The following FRMD4A variants were observed in gnomAD, a reference collection of about 807,000 sequenced individuals.
FRMD4A encodes the protein FERM domain-containing protein 4A.
A neutral mutation model predicts 129.1 loss-of-function variants in FRMD4A; 29 were observed. The ratio of observed to expected loss-of-function variants is 0.22; its 90% CI spans 0.17 to 0.31. The LOEUF (loss-of-function observed/expected upper bound fraction) is 0.31. Among genes scored for constraint, FRMD4A ranks in the 10% least tolerant of loss-of-function variants. The pLI, the probability that FRMD4A is intolerant of heterozygous loss-of-function variation, is 1.00. For synonymous variants in FRMD4A, 634 were observed against 571.6 expected, an observed-to-expected ratio of 1.11 and a Z score of -1.56; for missense variants, 1,272 against 1,375.8, an observed-to-expected ratio of 0.92 and a Z score of 1.19.
chr10:13,729,951 A>G (rs914810168), intron 12 of FRMD4A, among the ~76,000 whole-genome samples: 5 of 152,182 alleles, frequency 3.3e-5, no homozygotes, highest in African/African-American at 1.2e-4. Flanking sequence ...GCTTCACAAT[A>G]TTTGCTCTAA....
rs557505863 is a variant in FRMD4A, at chr10:14,054,551, C to A, written c.46-195639G>T. 2.6e-5 allele frequency among the ~76,000 whole-genome samples: 4 copies of A among 151,984 alleles called. No homozygotes were observed. In the South Asian group the frequency reaches 8.3e-4, roughly 32 times the overall value. The stretch of plus-strand genomic sequence containing the variant: ...TGTGGATCCAAGCTAGAGTCTTCTA[C>A]ACAGCCAGCATCCTATTTGATACCT... On this transcript the variant is annotated intron_variant, in intron 2 of 24. Transcript: ENST00000357447.
chr10:13,716,592 C>T (rs894356619), intron 12 of FRMD4A, among the ~76,000 whole-genome samples: 1 of 152,220 alleles, frequency 6.6e-6, no homozygotes, highest in African/African-American at 2.4e-5. Flanking sequence ...TGTCAGACAA[C>T]GCGAGCTCTA....
intron 2 of FRMD4A, among the ~76,000 whole-genome samples, chr10:14,172,082 T>A (rs1295945433): frequency 6.6e-6 from 1 of 152,200 alleles, no homozygotes; most frequent in African/African-American, 2.4e-5. Context: ...GTTCCCTCAG[T>A]CATGATGATA....
At chr10:14,077,856 A>G (rs1835701140) in intron 2 of FRMD4A, among the ~76,000 whole-genome samples, 1 of 152,270 alleles carries the variant, frequency 6.6e-6, no homozygotes, top group African/African-American at 2.4e-5. Context: ...CTTAACATCC[A>G]TCTAGAATAT....
chr10:13,660,591 C>T (rs766360058), intron 19 of FRMD4A, 38 bp from the exon 20 acceptor site: 2 of 1,319,854 alleles, frequency 1.5e-6, no homozygotes, highest in Admixed American at 1.8e-5. Context: ...GAGCCCCGGT[C>T]ATCCTTCCCA....
chr10:13,774,950 GAA>G (rs60193088), intron 6 of FRMD4A, among the ~76,000 whole-genome samples: 2 of 127,072 alleles, frequency 1.6e-5, no homozygotes, highest in South Asian at 2.8e-4. Flanking sequence ...AGAAATTTAA[GAA>G]AAAAAAAAAC....
intron 8 of FRMD4A, among the ~76,000 whole-genome samples, chr10:13,750,853 C>T (rs971575072): frequency 6.6e-5 from 10 of 152,080 alleles, no homozygotes; most frequent in Non-Finnish European, 1.2e-4. Context: ...CAAGTACAGT[C>T]GGTAATTTTT....
chr10:14,260,855 A>G (rs1386202428), intron 2 of FRMD4A, among the ~76,000 whole-genome samples: 1 of 152,228 alleles, frequency 6.6e-6, no homozygotes, highest in East Asian at 1.9e-4. Flanking sequence ...GACCAAAGCA[A>G]ACAGAGTGGC....
chr10:14,133,951 G>A (rs1401856084), intron 2 of FRMD4A, among the ~76,000 whole-genome samples: 1 of 152,216 alleles, frequency 6.6e-6, no homozygotes, highest in Non-Finnish European at 1.5e-5. Flanking sequence ...GAAATAAGGT[G>A]AAGTTAGAAG....
intron 2 of FRMD4A, among the ~76,000 whole-genome samples, chr10:14,301,588 C>T (rs1346479143): frequency 6.6e-6 from 1 of 152,206 alleles, no homozygotes; most frequent in Non-Finnish European, 1.5e-5. Flanking sequence ...TTGGCCATTA[C>T]AAGAAACATT....
At chr10:14,251,468 G>A (rs74125603) in intron 2 of FRMD4A, among the ~76,000 whole-genome samples, 16 of 152,272 alleles carry the variant, frequency 1.1e-4, no homozygotes, top group African/African-American at 3.6e-4. Context: ...CCAGTCAAAT[G>A]CGTCACTACA....
intron 19 of FRMD4A, among the ~76,000 whole-genome samples, chr10:13,662,449 G>A (rs1294285515): frequency 1.3e-5 from 2 of 151,974 alleles, no homozygotes; most frequent in Non-Finnish European, 2.9e-5. Flanking sequence ...TCCATACAGG[G>A]CAAAAAAATT....
chr10:13,965,013 C>T (rs1485380594), intron 2 of FRMD4A, among the ~76,000 whole-genome samples: 1 of 151,984 alleles, frequency 6.6e-6, no homozygotes. Flanking sequence ...GTTGATTTCC[C>T]CTCTGTTAAA....
At chr10:13,958,483 C>A (rs2095424610) in intron 2 of FRMD4A, among the ~76,000 whole-genome samples, 2 of 151,908 alleles carry the variant, frequency 1.3e-5, no homozygotes, top group Non-Finnish European at 2.9e-5. Flanking sequence ...CGGGGTTTCA[C>A]CGTGTTAGCC....
chr10:14,050,872 T>G (rs1279048355), intron 2 of FRMD4A, among the ~76,000 whole-genome samples: 3 of 152,198 alleles, frequency 2.0e-5, no homozygotes, highest in African/African-American at 4.8e-5. Flanking sequence ...TGGCTGCTTC[T>G]TTATAATAAA....
Position 13,657,267 on chromosome 10 carries a change from G to A in FRMD4A, c.2322C>T (p.Asp774=). 6.2e-7 allele frequency: 1 copy of A among 1,602,408 alleles called. No homozygotes were observed. Among genetic ancestry groups the A allele is most frequent in the Admixed American group, 1.7e-5 (1 of 59,138 alleles). The part of the protein sequence containing the change: ...MNANYSTLAE[D]SPSKARQRQR... ...GCCTCTGGCGCGCCTTGGACGGCGA[G>A]TCCTCGGCCAGCGTGGAGTAGTTGG... Residue 774 remains aspartate, a synonymous_variant, in exon 22 of 25, where the codon GAC becomes GAT. Coordinates refer to ENST00000357447, the MANE Select transcript of FRMD4A (RefSeq NM_018027.5).
intron 2 of FRMD4A, among the ~76,000 whole-genome samples, chr10:14,121,401 A>G (rs984789790): frequency 2.6e-5 from 4 of 152,098 alleles, no homozygotes; most frequent in African/African-American, 9.7e-5. Context: ...ACCAAAACAA[A>G]CAAAAAACAC....
chr10:13,917,555 G>GC (rs2095023776), intron 2 of FRMD4A, among the ~76,000 whole-genome samples: 1 of 152,114 alleles, frequency 6.6e-6, no homozygotes, highest in African/African-American at 2.4e-5. Context: ...CTCCCAAAGT[G>GC]CTGGGATTAC....
chr10:14,212,337 C>T (rs1245882012), intron 2 of FRMD4A, among the ~76,000 whole-genome samples: 1 of 152,180 alleles, frequency 6.6e-6, no homozygotes, highest in Non-Finnish European at 1.5e-5. Flanking sequence ...GGTGGAACAG[C>T]TCCCATTATC....
Sources: allele counts gnomAD v4.1 joint callset (sites outside exome capture counted in the v4.1 genomes callset), GRCh38; gene constraint gnomAD v4.1.1; transcripts MANE v1.5; gene names NCBI Gene and HGNC (gene_info 2026-07-23, HGNC 2026-07-21).